The following TBC1D16 variants were observed in gnomAD, a reference collection of about 807,000 sequenced individuals.
TBC1D16 encodes CTD-2529O21.1.
A neutral mutation model predicts 74.7 loss-of-function variants in TBC1D16; 58 were observed. That is an observed-to-expected ratio of 0.78 (90% CI 0.63 to 0.97). The LOEUF is 0.97. Ranked by LOEUF, TBC1D16 falls within the 50% of genes least tolerant of loss-of-function variation. The pLI, the probability that TBC1D16 is intolerant of heterozygous loss-of-function variation, is 0.00. For synonymous variants in TBC1D16, 493 were observed against 474.7 expected (o/e 1.04, Z -0.50); for missense variants, 1,014 against 1,079.5 (o/e 0.94, Z 0.85).
chr17:79,951,700 G>C (rs1188926785), intron 4 of TBC1D16, 103 bp from the exon 5 acceptor site: 3 of 1,385,276 alleles, frequency 2.2e-6, no homozygotes, highest in Non-Finnish European at 2.9e-6. Context: ...AACCTCAGAA[G>C]CAGGAAACAG....
rs566430902 is a variant in TBC1D16, at chr17:80,008,393, C to T, written c.779+1767G>A. ...TTGAGCTCCCTACGAGATGGGGCTG[C>T]GGGACAGAGAGCTGACCGGCCAGCT... is the stretch of plus-strand genomic sequence containing the variant. On this transcript the variant is annotated intron_variant, in intron 3 of 11. Transcript: ENST00000310924. This position sits in a 1 kb window ranked among gnomAD's most constrained non-coding sequence, Gnocchi z 4.5. 7.4e-4 allele frequency among the ~76,000 whole-genome samples: 112 copies of T among 152,256 alleles called. No homozygotes were observed. The highest frequency in any genetic ancestry group is 2.5e-3 in the African/African-American group (104 of 41,546).
chr17:79,945,209 C>T lies in TBC1D16; in HGVS notation c.1729-122G>A, dbSNP rs894799131. On this transcript the variant is annotated intron_variant, in intron 9 of 11. Coordinates refer to ENST00000310924, the MANE Select transcript of TBC1D16 (RefSeq NM_019020.4). The stretch of plus-strand genomic sequence containing the variant: ...CAGCCTGGAAAAGCACACCCAGGGG[C>T]CTCTACCTGCTGCATGTGCCTGCCC... The T allele has an allele frequency of 3.8e-6, 4 of 1,047,376 alleles. No individual in the cohort carries two copies. The African/African-American group carries it at 6.4e-5, about 17-fold the overall frequency. The allele number at this position is 1,047,376 out of a possible 1,614,324, so 64.9% of individuals were successfully genotyped here. A position where few individuals can be genotyped will look rare whatever the true frequency, so the allele number is the denominator to read the frequency against.
intron 3 of TBC1D16, among the ~76,000 whole-genome samples, chr17:79,997,108 G>A (rs1039238116): frequency 2.0e-5 from 3 of 152,200 alleles, no homozygotes; most frequent in Non-Finnish European, 4.4e-5. Flanking sequence ...CCAGGGCAGC[G>A]TGGAGGAACC....
intron 1 of TBC1D16, among the ~76,000 whole-genome samples, chr17:80,015,412 C>T (rs563165923): frequency 8.6e-5 from 13 of 151,258 alleles, no homozygotes; most frequent in East Asian, 5.9e-4. Context: ...CCAGCCTGGG[C>T]GACAGAGTGA....
rs756311747 is a variant in TBC1D16, at chr17:80,013,401, C to A, written c.147G>T (p.Pro49=). The A allele has an allele frequency of 1.2e-6, 2 of 1,608,958 alleles. No individual in the cohort carries two copies. The highest frequency in any genetic ancestry group is 1.7e-5 in the Admixed American group (1 of 59,432). Residue 49 remains proline (P), a synonymous_variant, in exon 2 of 12, where the codon CCG becomes CCT. Coordinates refer to ENST00000310924, the MANE Select transcript of TBC1D16 (RefSeq NM_019020.4). ...YSKNNVCVHP[P]EGLQGLGEHH... is the part of the protein sequence containing the mutation. Reference sequence around the variant, plus strand: ...GCTCCCCCAGCCCCTGCAGCCCCTCCGGCGGGTGCACGCAGACATTGTTCT... The same window carrying A: ...GCTCCCCCAGCCCCTGCAGCCCCTCAGGCGGGTGCACGCAGACATTGTTCT...
rs920670766 is a variant in TBC1D16 at position 79,938,283 on chromosome 17, G to A, written c.*2576C>T. On this transcript the variant is annotated 3_prime_UTR_variant, in exon 12 of 12. Coordinates refer to ENST00000310924, the MANE Select transcript of TBC1D16 (RefSeq NM_019020.4). ...GCTTCCGAGGTCCTGGCTGGTCCGAGAGGTGCAGACCTCACTGGGGTCCGG... is the reference window on the plus strand; with the variant it reads ...GCTTCCGAGGTCCTGGCTGGTCCGAAAGGTGCAGACCTCACTGGGGTCCGG... 6.6e-6 allele frequency: 1 copy of A among 152,294 alleles called. No homozygotes were observed. The highest frequency in any genetic ancestry group is 1.5e-5 in the Non-Finnish European group (1 of 68,102). The allele number at this position is 152,294 out of a possible 1,614,324, so 9.4% of individuals were successfully genotyped here.
intron 1 of TBC1D16, among the ~76,000 whole-genome samples, chr17:80,024,563 C>CCATAA (rs1568648663): frequency 5.1e-5 from 3 of 59,226 alleles, no homozygotes; most frequent in African/African-American, 6.1e-5. Flanking sequence ...ACACCACACA[C>CCATAA]GACACACCAT....
chr17:79,995,600 A>G lies in TBC1D16; in HGVS notation c.779+14560T>C, dbSNP rs930783299. On this transcript the variant is annotated intron_variant, in intron 3 of 11. Transcript: ENST00000310924. ...GGAGATCAAGATCATCCTGGCTAACACAGTGAAACCCCGTCTCTACTAAAA... is the reference window on the plus strand; with the variant it reads ...GGAGATCAAGATCATCCTGGCTAACGCAGTGAAACCCCGTCTCTACTAAAA... Among the ~76,000 whole-genome samples, 3 of 145,796 alleles carry G rather than the reference A, an allele frequency of 2.1e-5. No individual in the cohort carries two copies. The Admixed American group carries it at 2.2e-4, about 11-fold the overall frequency.
Position 79,961,728 on chromosome 17 carries a change from T to C in TBC1D16, c.780-8910A>G, listed in dbSNP as rs1305129998. 6.6e-6 allele frequency among the ~76,000 whole-genome samples: 1 copy of C among 152,098 alleles called. No homozygotes were observed. Among genetic ancestry groups the C allele is most frequent in the African/African-American group, 2.4e-5 (1 of 41,416 alleles). On this transcript the variant is annotated intron_variant, in intron 3 of 11. Transcript: ENST00000310924. The surrounding 1 kb of genome is among the most constrained non-coding windows in gnomAD (Gnocchi z 4.8). Reference sequence around the variant, plus strand: ...AATACAAAAAATCAGCCAGACGTGGTGGCGGGCGCCTATAATCCCAGCTAC... The same window carrying C: ...AATACAAAAAATCAGCCAGACGTGGCGGCGGGCGCCTATAATCCCAGCTAC...
chr17:79,973,750 C>T (rs1448068634), intron 3 of TBC1D16, among the ~76,000 whole-genome samples: 1 of 151,642 alleles, frequency 6.6e-6, no homozygotes, highest in Non-Finnish European at 1.5e-5. Context: ...AAAAATTATC[C>T]AGGCATGGTG....
At chr17:80,029,980 C>A (rs2036719069) in intron 1 of TBC1D16, among the ~76,000 whole-genome samples, 1 of 152,054 alleles carries the variant, frequency 6.6e-6, no homozygotes. Flanking sequence ...CAGCAGTGGC[C>A]GATCGAGTCC....
intron 3 of TBC1D16, among the ~76,000 whole-genome samples, chr17:80,003,413 C>T (rs1598412255): frequency 6.6e-6 from 1 of 152,280 alleles, no homozygotes; most frequent in South Asian, 2.1e-4. Context: ...GGGGAGGCCC[C>T]GCTGGCGGCA....
intron 9 of TBC1D16, among the ~76,000 whole-genome samples, chr17:79,945,743 G>A (rs968022122): frequency 1.1e-4 from 17 of 152,244 alleles, no homozygotes; most frequent in African/African-American, 3.9e-4. Flanking sequence ...AATGGCGTTG[G>A]ACACTGTAAC....
chr17:79,979,425 C>T lies in TBC1D16; in HGVS notation c.780-26607G>A, dbSNP rs2034483618. Among the ~76,000 whole-genome samples, 1 of 152,208 alleles carries T rather than the reference C, an allele frequency of 6.6e-6. No homozygotes were observed. Reference sequence around the variant, plus strand: ...TGGCCCTCTCGAGGTGAAGCTGCGACACTGTGTGGAAACCCAGGGGAGATG... The same window carrying T: ...TGGCCCTCTCGAGGTGAAGCTGCGATACTGTGTGGAAACCCAGGGGAGATG... On this transcript the variant is annotated intron_variant, in intron 3 of 11. Coordinates refer to ENST00000310924, the MANE Select transcript of TBC1D16 (RefSeq NM_019020.4). The surrounding 1 kb of genome is among the most constrained non-coding windows in gnomAD (Gnocchi z 4.8).
chr17:79,950,663 C>T lies in TBC1D16; in HGVS notation c.1090-85G>A. 1 of 1,559,554 alleles carries T rather than the reference C, an allele frequency of 6.4e-7. No homozygotes were observed. Among genetic ancestry groups the T allele is most frequent in the Non-Finnish European group, 8.7e-7 (1 of 1,150,410 alleles). On this transcript the variant is annotated intron_variant, in intron 5 of 11. Transcript: ENST00000310924. The surrounding 1 kb of genome is among the most constrained non-coding windows in gnomAD (Gnocchi z 4.6). The stretch of plus-strand genomic sequence containing the variant: ...GCAGTGCTTTTCCCAGGAATAAAAG[C>T]CTCTCTCTCTTCTGAAAGGAGGGCA...
intron 3 of TBC1D16, among the ~76,000 whole-genome samples, chr17:79,970,077 C>T (rs2034015778): frequency 6.6e-6 from 1 of 152,146 alleles, no homozygotes; most frequent in Non-Finnish European, 1.5e-5. Flanking sequence ...TCGTGGCATC[C>T]ATACAATGGA....
chr17:79,943,932 T>C (rs2032271408), intron 10 of TBC1D16: 4 of 1,461,146 alleles, frequency 2.7e-6, no homozygotes, highest in South Asian at 2.7e-5. Context: ...AGACCGTCCA[T>C]GCCGTGCTTC....
intron 3 of TBC1D16, among the ~76,000 whole-genome samples, chr17:79,978,120 G>A (rs561268163): frequency 6.6e-6 from 1 of 152,252 alleles, no homozygotes; most frequent in Non-Finnish European, 1.5e-5. Context: ...CGGGAGCGCC[G>A]ACATCCCGCA....
rs747935653 is a variant in TBC1D16 at position 79,951,540 on chromosome 17, C to T, written c.999G>A (p.Lys333=). The change falls in exon 5 of 12, where the codon AAG becomes AAA. Residue 333 remains lysine (K), a synonymous_variant. Transcript: ENST00000310924. ...LVVASRESQY[K]VFHFHHGGLD... ...GGCCGCCGTGGTGGAAGTGGAAAACCTTGTACTGGCTCTCTCGGCTGGCAA... is the reference window on the plus strand; with the variant it reads ...GGCCGCCGTGGTGGAAGTGGAAAACTTTGTACTGGCTCTCTCGGCTGGCAA... The T allele has an allele frequency of 1.2e-6, 2 of 1,614,076 alleles. No homozygotes were observed. Among genetic ancestry groups the T allele is most frequent in the South Asian group, 2.2e-5 (2 of 91,076 alleles).
Sources: allele counts gnomAD v4.1 joint callset (sites outside exome capture counted in the v4.1 genomes callset), GRCh38; gene constraint gnomAD v4.1.1; non-coding constraint Gnocchi (gnomAD v3.1); transcripts MANE v1.5; gene names NCBI Gene and HGNC (gene_info 2026-07-23, HGNC 2026-07-21).